The following KAZN variants were observed in gnomAD, a reference collection of about 807,000 sequenced individuals.
KAZN encodes kazrin, periplakin interacting protein.
In KAZN, 40 loss-of-function variants were observed where a neutral mutation model predicts 87.4. The ratio of observed to expected loss-of-function variants is 0.46; its 90% CI spans 0.36 to 0.60. The LOEUF (loss-of-function observed/expected upper bound fraction) is 0.60, where lower values mean the gene tolerates loss of function less well. Among genes scored for constraint, KAZN ranks in the 20% least tolerant of loss-of-function variants. KAZN has a pLI of 0.00. For missense variants in KAZN, 898 were observed against 1,073.9 expected (o/e 0.84, Z 2.29); for synonymous variants, 466 against 458.3 (o/e 1.02, Z -0.22).
chr1:13,971,603 TTTGTTGTTG>T (rs147943812), intron 1 of KAZN, among the ~76,000 whole-genome samples: 22 of 133,768 alleles, frequency 1.6e-4, no homozygotes, highest in African/African-American at 5.0e-4. Flanking sequence ...AGGTTTTTTT[TTTGTTGTTG>T]TTGTTGTTGT....
At chr1:14,057,643 C>T (rs1052388976) in intron 1 of KAZN, among the ~76,000 whole-genome samples, 2 of 152,146 alleles carry the variant, frequency 1.3e-5, no homozygotes, top group African/African-American at 2.4e-5. Context: ...AAATGTGTAT[C>T]GTTTCTCCAT....
intron 2 of KAZN, among the ~76,000 whole-genome samples, chr1:14,566,601 A>G (rs578163418): frequency 6.6e-6 from 1 of 152,250 alleles, no homozygotes; most frequent in African/African-American, 2.4e-5. Context: ...TTTCCAATAT[A>G]AAGCTATTTC....
chr1:14,682,384 C>T (rs1640722807), intron 1 of KAZN, among the ~76,000 whole-genome samples: 2 of 151,340 alleles, frequency 1.3e-5, no homozygotes, highest in African/African-American at 4.9e-5. Context: ...ACCTCCTGGG[C>T]TCAAGCAATC....
At chr1:14,692,243 C>A in intron 1 of KAZN, 1 of 695,138 alleles carries the variant, frequency 1.4e-6, no homozygotes. Context: ...CAGCTTCCAA[C>A]CTGCGCTGGC....
chr1:14,784,064 G>C (rs954090975), intron 1 of KAZN, among the ~76,000 whole-genome samples: 1 of 152,194 alleles, frequency 6.6e-6, no homozygotes, highest in African/African-American at 2.4e-5. Context: ...ATTGGCTTAG[G>C]CGATGGTGGG....
At chr1:14,136,289 GACCTTGGGTAA>G (rs1166591564) in intron 1 of KAZN, among the ~76,000 whole-genome samples, 2 of 152,130 alleles carry the variant, frequency 1.3e-5, no homozygotes, top group Non-Finnish European at 2.9e-5. Context: ...ATCTCCCTGT[GACCTTGGGTAA>G]ACTATTTAGC....
In KAZN at chr1:14,925,796, G is replaced by A. The variant is rs556178550; in HGVS notation, c.227-34888G>A. Among the ~76,000 whole-genome samples, 6 of 152,314 alleles carry A rather than the reference G, an allele frequency of 3.9e-5. No homozygotes were observed. In the South Asian group the frequency reaches 1.2e-3, roughly 32 times the overall value. On this transcript the variant is annotated intron_variant, in intron 1 of 14. Coordinates refer to ENST00000376030, the MANE Select transcript of KAZN (RefSeq NM_201628.3). Reference sequence around the variant, plus strand: ...AGGAGATGGAATGCCGCCTCTGGGTGTCAGGGCAGAGTAGTCCTCTCTCCT... The same window carrying A: ...AGGAGATGGAATGCCGCCTCTGGGTATCAGGGCAGAGTAGTCCTCTCTCCT...
rs74682864 is a variant in KAZN at position 15,005,863 on chromosome 1, C to T, written c.419-28886C>T. On this transcript the variant is annotated intron_variant, in intron 2 of 14. Transcript: ENST00000376030. ...CTCAGCAGCAAGGAAACCACTGCCT[C>T]CTGTATTGTTTCCTTTGTGATGGGA... is the stretch of plus-strand genomic sequence containing the variant. Among the ~76,000 whole-genome samples, 1,263 of 152,296 alleles carry T rather than the reference C, an allele frequency of 8.3e-3. 12 individuals carry two copies. Among genetic ancestry groups the T allele is most frequent in the Middle Eastern group, 0.041 (12 of 294 alleles).
At chr1:14,405,930 G>A (rs1663814103) in intron 2 of KAZN, among the ~76,000 whole-genome samples, 1 of 152,060 alleles carries the variant, frequency 6.6e-6, no homozygotes. Context: ...ACATTAGGGA[G>A]GGCAGTCTGC....
intron 1 of KAZN, among the ~76,000 whole-genome samples, chr1:14,851,961 A>G (rs1272229478): frequency 2.0e-5 from 3 of 152,224 alleles, no homozygotes; most frequent in Non-Finnish European, 1.5e-5. Context: ...AGAGTTTGTG[A>G]GAGGAATGAG....
intron 1 of KAZN, among the ~76,000 whole-genome samples, chr1:13,923,344 T>C (rs1055363651): frequency 2.6e-5 from 4 of 151,648 alleles, no homozygotes; most frequent in African/African-American, 2.4e-5. Flanking sequence ...GAGGCTGAGG[T>C]GGGCAGATCA....
chr1:15,110,434 T>G (rs1159108807), intron 13 of KAZN, among the ~76,000 whole-genome samples: 4 of 150,712 alleles, frequency 2.7e-5, no homozygotes, highest in African/African-American at 7.3e-5. Context: ...TGTGTTCATG[T>G]GTATTTGTGT....
chr1:14,475,127 G>T (rs1668649516), intron 2 of KAZN, among the ~76,000 whole-genome samples: 1 of 152,008 alleles, frequency 6.6e-6, no homozygotes, highest in South Asian at 2.1e-4. Flanking sequence ...ATGGTAGATA[G>T]ATATTGAATT....
At chr1:14,727,270 G>C (rs900150917) in intron 1 of KAZN, among the ~76,000 whole-genome samples, 2 of 151,790 alleles carry the variant, frequency 1.3e-5, no homozygotes, top group African/African-American at 4.8e-5. Flanking sequence ...GTGAACCCAG[G>C]GCTTCCTGAA....
intron 2 of KAZN, among the ~76,000 whole-genome samples, chr1:14,394,787 A>G (rs2101105955): frequency 6.6e-6 from 1 of 152,354 alleles, no homozygotes; most frequent in East Asian, 1.9e-4. Flanking sequence ...ACGCAGTAAG[A>G]ACTCTGTGAG....
intron 2 of KAZN, among the ~76,000 whole-genome samples, chr1:14,300,102 T>C (rs1481238678): frequency 6.6e-6 from 1 of 151,936 alleles, no homozygotes; most frequent in Admixed American, 6.6e-5. Flanking sequence ...AGGAAAGTGT[T>C]TGGGGTCATC....
chr1:15,101,957 TCCAG>T (rs1179732586), intron 11 of KAZN, among the ~76,000 whole-genome samples, 183 bp downstream of exon 11: 1 of 152,166 alleles, frequency 6.6e-6, no homozygotes, highest in African/African-American at 2.4e-5. Flanking sequence ...CCAGCCATCA[TCCAG>T]CCAGCCAGCC....
chr1:14,196,774 G>A (rs2100386767), intron 2 of KAZN, among the ~76,000 whole-genome samples: 1 of 152,146 alleles, frequency 6.6e-6, no homozygotes, highest in South Asian at 2.1e-4. Flanking sequence ...GGGAGTTAGT[G>A]TAAATGAGGA....
Position 14,136,571 on chromosome 1 carries a change from C to T in KAZN, c.92-43864C>T, listed in dbSNP as rs1459051161. Among the ~76,000 whole-genome samples the T allele has an allele frequency of 5.3e-5, 8 of 152,094 alleles. No individual in the cohort carries two copies. The East Asian group carries it at 1.4e-3, about 26-fold the overall frequency. On this transcript the variant is annotated intron_variant, in intron 1 of 16. Transcript: ENST00000636203. ...GACAGAATGCTGCAGAAAGGCATTC[C>T]GTAAATTCCAAAGAGCTTCCCAGCA...
Sources: allele counts gnomAD v4.1 joint callset (sites outside exome capture counted in the v4.1 genomes callset), GRCh38; gene constraint gnomAD v4.1.1; transcripts MANE v1.5; gene names NCBI Gene and HGNC (gene_info 2026-07-23, HGNC 2026-07-21).